The following CPLX1 variants were observed in gnomAD, a reference collection of about 807,000 sequenced individuals.
CPLX1 encodes the protein complexin-1.
CPLX1 carries 6 observed loss-of-function variants against 15.6 expected under a neutral mutation model. The ratio of observed to expected loss-of-function variants is 0.39; its 90% CI spans 0.21 to 0.76. The LOEUF (loss-of-function observed/expected upper bound fraction) is 0.76, where lower values mean the gene tolerates loss of function less well. Ranked by LOEUF, CPLX1 falls within the 30% of genes least tolerant of loss-of-function variation. CPLX1 has a pLI of 0.43. For missense variants in CPLX1, 242 were observed against 188.6 expected, an observed-to-expected ratio of 1.28 and a Z score of -1.66; for synonymous variants, 91 against 75.2, an observed-to-expected ratio of 1.21 and a Z score of -1.08.
At chr4:786,917 TG>T (rs753703158) in intron 3 of CPLX1, 8 of 977,792 alleles carry the variant, frequency 8.2e-6, no homozygotes, top group Admixed American at 6.2e-5. Flanking sequence ...GGAGCTGACA[TG>T]GGGGGGAGCA....
At chr4:786,967 G>A (rs1183785868) in intron 3 of CPLX1, 1 of 985,172 alleles carries the variant, frequency 1.0e-6, no homozygotes, top group Non-Finnish European at 1.2e-6. Flanking sequence ...GAGGAGAGAG[G>A]GCTGTGGCCC....
intron 2 of CPLX1, among the ~76,000 whole-genome samples, chr4:809,373 C>T (rs984517717): frequency 3.3e-5 from 5 of 152,206 alleles, no homozygotes; most frequent in African/African-American, 1.2e-4. Flanking sequence ...GCTGCCAAGC[C>T]TCTGCCCTGT....
rs73060337 is a variant in CPLX1, at chr4:801,842, A to C, written c.32-9234T>G. ...CAGTCATAAGGGAATTCAAACTTAA[A>C]TCACACAGAGATACCACCACATTCC... On this transcript the variant is annotated intron_variant, in intron 2 of 3. Transcript: ENST00000304062. Among the ~76,000 whole-genome samples, 1,229 of 152,366 alleles carry C rather than the reference A, an allele frequency of 8.1e-3. 13 individuals carry two copies. The highest frequency in any genetic ancestry group is 0.026 in the African/African-American group (1,080 of 41,588).
rs1746937673 is a variant in CPLX1, at chr4:824,557, G to A, written c.-35C>T. Reference sequence around the variant, plus strand: ...TCTGCTTCCACAGTGGCTCCTCCAGGGGTCAGAACTCACACGCAAGTATGG... The same window carrying A: ...TCTGCTTCCACAGTGGCTCCTCCAGAGGTCAGAACTCACACGCAAGTATGG... On this transcript the variant is annotated 5_prime_UTR_variant, in exon 2 of 4. Transcript: ENST00000304062. 1.2e-6 allele frequency: 2 copies of A among 1,611,640 alleles called. No individual in the cohort carries two copies.
chr4:792,126 G>A (rs754958395), intron 3 of CPLX1, among the ~76,000 whole-genome samples: 1 of 151,670 alleles, frequency 6.6e-6, no homozygotes, highest in Non-Finnish European at 1.5e-5. Context: ...GCCGCCCCAC[G>A]ACCCCTCGGC....
At chr4:810,146 C>T (rs928408621) in intron 2 of CPLX1, among the ~76,000 whole-genome samples, 9 of 149,622 alleles carry the variant, frequency 6.0e-5, no homozygotes, top group African/African-American at 1.7e-4. Context: ...GCCTCCTGGG[C>T]TCACACCATT....
Position 786,477 on chromosome 4 carries a change from G to A in CPLX1, c.*24C>T, listed in dbSNP as rs1403491805. The A allele has an allele frequency of 6.5e-7, 1 of 1,529,774 alleles. No homozygotes were observed. The highest frequency in any genetic ancestry group is 8.8e-7 in the Non-Finnish European group (1 of 1,134,408). 94.8% of individuals were successfully genotyped at this position (1,529,774 alleles called of 1,614,324 possible). On this transcript the variant is annotated 3_prime_UTR_variant, in exon 4 of 4. Transcript: ENST00000304062. ...CTGTAGGGGGAGGGGCGGGGGCTCC[G>A]CGGGGCCGCTGTCCCGCGCGCGGCT...
chr4:805,383 G>A (rs1056088932), intron 2 of CPLX1, among the ~76,000 whole-genome samples: 1 of 152,200 alleles, frequency 6.6e-6, no homozygotes, highest in Non-Finnish European at 1.5e-5. Flanking sequence ...AGGGCCAGGT[G>A]TCAGTCTGCA....
intron 2 of CPLX1, among the ~76,000 whole-genome samples, chr4:818,221 C>T (rs374319410): frequency 4.1e-4 from 62 of 152,302 alleles, no homozygotes; most frequent in Non-Finnish European, 7.6e-4. Context: ...GGGGAGGCAC[C>T]GAGGCGCTGG....
intron 2 of CPLX1, among the ~76,000 whole-genome samples, chr4:800,752 T>C (rs939283514): frequency 1.2e-4 from 16 of 136,314 alleles, no homozygotes; most frequent in South Asian, 4.6e-4. Flanking sequence ...TATATATATA[T>C]ATACACACAC....
chr4:820,826 A>T (rs1181638900), intron 2 of CPLX1, among the ~76,000 whole-genome samples: 2 of 132,248 alleles, frequency 1.5e-5, no homozygotes, highest in Non-Finnish European at 3.3e-5. Context: ...CCTCGCGTGA[A>T]CCCCCAAGGT....
At chr4:792,651 C>T (rs758260996) in intron 2 of CPLX1, 43 bp from the exon 3 acceptor site, 4 of 1,573,978 alleles carry the variant, frequency 2.5e-6, no homozygotes, top group Non-Finnish European at 3.5e-6. Flanking sequence ...ATTCAGATGT[C>T]CAGGGCCGGG....
rs139468901 is a variant in CPLX1, at chr4:821,568, C to T, written c.31+2924G>A. On this transcript the variant is annotated intron_variant, in intron 2 of 3. Coordinates refer to ENST00000304062, the MANE Select transcript of CPLX1 (RefSeq NM_006651.4). ...GTGACCACGGCACCCACACGTGCCA[C>T]GTTCCTCCACGCTGTCCACAGAGCT... 8.5e-4 allele frequency among the ~76,000 whole-genome samples: 130 copies of T among 152,354 alleles called. 1 individual carries two copies. The highest frequency in any genetic ancestry group is 2.8e-3 in the African/African-American group (116 of 41,578).
chr4:787,832 C>T (rs974162123), intron 3 of CPLX1: 20 of 985,306 alleles, frequency 2.0e-5, no homozygotes, highest in Non-Finnish European at 2.3e-5. Context: ...GGTCAGGCCA[C>T]GGAACTACGG....
At position 786,633 on chromosome 4, in the gene CPLX1, C is replaced by G; in HGVS notation, c.273G>C (p.Glu91Asp). The change falls in exon 4 of 4, where the codon GAG becomes GAC. Residue 91 changes from glutamate to aspartate, a missense_variant. Physicochemically the swap from Glu to Asp is conservative, Grantham distance 45. Transcript: ENST00000304062. ...EAQAAMEANS[E>D]GSLTRPKKAI... ...CCTTCTTGGGCCGCGTCAAGCTCCCCTCGGAGTTGGCCTCCATGGCGGCCT... is the reference window on the plus strand; with the variant it reads ...CCTTCTTGGGCCGCGTCAAGCTCCCGTCGGAGTTGGCCTCCATGGCGGCCT... 1 of 1,612,640 alleles carries G rather than the reference C, an allele frequency of 6.2e-7. No individual in the cohort carries two copies. Among genetic ancestry groups the G allele is most frequent in the Non-Finnish European group, 8.5e-7 (1 of 1,179,472 alleles).
At chr4:801,812 C>T (rs1203343558) in intron 2 of CPLX1, among the ~76,000 whole-genome samples, 1 of 152,210 alleles carries the variant, frequency 6.6e-6, no homozygotes, top group Non-Finnish European at 1.5e-5. Context: ...AGTTGATCGA[C>T]GTGTCAGTCA....
chr4:807,423 T>G (rs1746576742), intron 2 of CPLX1, among the ~76,000 whole-genome samples: 2 of 152,186 alleles, frequency 1.3e-5, no homozygotes, highest in Non-Finnish European at 2.9e-5. Flanking sequence ...ATGGTACACG[T>G]TTACTACCTA....
In CPLX1 at chr4:822,201, T is replaced by C. The variant is rs537415068; in HGVS notation, c.31+2291A>G. On this transcript the variant is annotated intron_variant, in intron 2 of 3. Coordinates refer to ENST00000304062, the MANE Select transcript of CPLX1 (RefSeq NM_006651.4). ...CTCTGTCTCTCCCTCTGTCTCTGTC[T>C]CCATCTCTATCTCTCTAACTCTCTC... 2.6e-5 allele frequency among the ~76,000 whole-genome samples: 4 copies of C among 151,624 alleles called. No homozygotes were observed. In the East Asian group the frequency reaches 7.8e-4, roughly 29 times the overall value.
At chr4:787,555 AC>A in intron 3 of CPLX1, 1 of 662,760 alleles carries the variant, frequency 1.5e-6, no homozygotes, top group Non-Finnish European at 1.9e-6. Flanking sequence ...AAGGACAGAC[AC>A]CCGGATGGGG....
Sources: allele counts gnomAD v4.1 joint callset (sites outside exome capture counted in the v4.1 genomes callset), GRCh38; gene constraint gnomAD v4.1.1; transcripts MANE v1.5; gene names NCBI Gene and HGNC (gene_info 2026-07-23, HGNC 2026-07-21).